Variants in RAPGEF4 observed in about 807,000 individuals in gnomAD.
RAPGEF4 encodes Rap guanine nucleotide exchange factor 4, also known as RAP guanine-nucleotide-exchange factor (GEF) 4.
Under a neutral mutation model 147.9 loss-of-function variants are expected in RAPGEF4, and 66 were observed. The ratio of observed to expected loss-of-function variants is 0.45; its 90% CI spans 0.37 to 0.55. The LOEUF (loss-of-function observed/expected upper bound fraction) is 0.55. RAPGEF4 is among the 20% of genes least tolerant of loss of function. The pLI, the probability that RAPGEF4 is intolerant of heterozygous loss-of-function variation, is 0.00. For synonymous variants in RAPGEF4, 419 were observed against 442.7 expected (o/e 0.95, Z 0.67); for missense variants, 1,071 against 1,257.3 (o/e 0.85, Z 2.24).
intron 5 of RAPGEF4, among the ~76,000 whole-genome samples, chr2:172,918,247 C>CTTTT (rs11332643): frequency 2.3e-5 from 2 of 87,622 alleles, no homozygotes; most frequent in African/African-American, 4.5e-5. Flanking sequence ...CCACCTCTTG[C>CTTTT]TTTTTTTTTT....
At chr2:172,954,632 G>A (rs531469045) in intron 6 of RAPGEF4, among the ~76,000 whole-genome samples, 150 of 152,116 alleles carry the variant, frequency 9.9e-4, no homozygotes, top group East Asian at 2.3e-3. Context: ...TCATCTGGGC[G>A]GCCCCAAAGA....
chr2:172,768,465 A>C (rs1485982715), intron 1 of RAPGEF4, among the ~76,000 whole-genome samples: 2 of 151,876 alleles, frequency 1.3e-5, no homozygotes, highest in Non-Finnish European at 2.9e-5. Context: ...AGGAAGCTGC[A>C]CTAGTTTATG....
rs951495687 is a variant in RAPGEF4, at chr2:172,990,944, C to T, written c.1490+19C>T. On this transcript the variant is annotated intron_variant, in intron 15 of 30. Coordinates refer to ENST00000397081, the MANE Select transcript of RAPGEF4 (RefSeq NM_007023.4). ...AGCAAAAGTATGTTTGCATCCAACA[C>T]TGTAATTGCCAGACTATGATTAACC... 2 of 1,522,942 alleles carry T rather than the reference C, an allele frequency of 1.3e-6. No individual in the cohort carries two copies. Among genetic ancestry groups the T allele is most frequent in the African/African-American group, 2.7e-5 (2 of 73,010 alleles). The allele number at this position is 1,522,942 out of a possible 1,614,324, so 94.3% of individuals were successfully genotyped here. A position where few individuals can be genotyped will look rare whatever the true frequency, so the allele number is the denominator to read the frequency against.
chr2:172,838,378 G>A lies in RAPGEF4; in HGVS notation c.444+23953G>A, dbSNP rs576488316. Among the ~76,000 whole-genome samples, 4 of 152,094 alleles carry A rather than the reference G, an allele frequency of 2.6e-5. No individual in the cohort carries two copies. In the South Asian group the frequency reaches 6.2e-4, roughly 24 times the overall value. Reference sequence around the variant, plus strand: ...CACACCAGAACACACTGGGAAATCCGCCTTTGTTATCCCTGCAATTAGGTT... The same window carrying A: ...CACACCAGAACACACTGGGAAATCCACCTTTGTTATCCCTGCAATTAGGTT... On this transcript the variant is annotated intron_variant, in intron 4 of 30. Transcript: ENST00000397081.
intron 10 of RAPGEF4, among the ~76,000 whole-genome samples, chr2:172,976,144 A>G (rs771645525): frequency 7.2e-5 from 11 of 152,210 alleles, no homozygotes; most frequent in Non-Finnish European, 1.5e-4. Flanking sequence ...TGTGTACACA[A>G]GCTCTGCTAT....
intron 4 of RAPGEF4, among the ~76,000 whole-genome samples, chr2:172,883,870 GGTCCTTCCTTACCTTGCATTTAGGTTA>G (rs2149867059): frequency 6.6e-6 from 1 of 152,182 alleles, no homozygotes; most frequent in East Asian, 1.9e-4. Flanking sequence ...AAGAGCATTG[GGTCCTTCCTTACCTTGCATTTAGGTTA>G]GTGAAAAGAA....
intron 4 of RAPGEF4, among the ~76,000 whole-genome samples, chr2:172,858,952 A>G (rs572440610): frequency 6.6e-6 from 1 of 152,004 alleles, no homozygotes; most frequent in South Asian, 2.1e-4. Context: ...TTCTGATGAG[A>G]CATTTTATTT....
chr2:172,958,069 A>T (rs1251721330), intron 6 of RAPGEF4, among the ~76,000 whole-genome samples: 2 of 152,236 alleles, frequency 1.3e-5, no homozygotes, highest in African/African-American at 4.8e-5. Flanking sequence ...ATAAACACTT[A>T]TCACCAGTCC....
chr2:173,033,853 A>G lies in RAPGEF4; in HGVS notation c.2650-61A>G, dbSNP rs377545724. The stretch of plus-strand genomic sequence containing the variant: ...ATATTTCCCCTAGAAATGGTAACCC[A>G]TGATACATATCTAGATATTGAATCT... On this transcript the variant is annotated intron_variant, in intron 26 of 30. Transcript: ENST00000397081. 9 of 1,485,276 alleles carry G rather than the reference A, an allele frequency of 6.1e-6. No homozygotes were observed. In the African/African-American group the frequency reaches 9.8e-5, roughly 16 times the overall value. The allele number at this position is 1,485,276 out of a possible 1,614,324, so 92.0% of individuals were successfully genotyped here.
intron 6 of RAPGEF4, among the ~76,000 whole-genome samples, chr2:172,945,068 A>G (rs558876718): frequency 1.4e-4 from 22 of 152,280 alleles, no homozygotes; most frequent in Non-Finnish European, 2.8e-4. Flanking sequence ...TTAGAACTTA[A>G]TATATCATGC....
At chr2:173,034,605 G>T (rs1166591017) in intron 27 of RAPGEF4, among the ~76,000 whole-genome samples, 1 of 152,102 alleles carries the variant, frequency 6.6e-6, no homozygotes, top group Non-Finnish European at 1.5e-5. Context: ...CAGGCGCAGT[G>T]GTTCATACCT....
intron 12 of RAPGEF4, among the ~76,000 whole-genome samples, 183 bp from the exon 13 acceptor site, chr2:172,988,013 C>T (rs1692450288): frequency 6.6e-6 from 1 of 152,162 alleles, no homozygotes; most frequent in Non-Finnish European, 1.5e-5. Flanking sequence ...GTTTCTCTTT[C>T]TTTTGTATTC....
intron 1 of RAPGEF4, among the ~76,000 whole-genome samples, chr2:172,777,466 C>T (rs1014488623): frequency 1.3e-5 from 2 of 152,112 alleles, no homozygotes; most frequent in African/African-American, 4.8e-5. Context: ...CTGTATCTCT[C>T]AGCACTGTGT....
chr2:172,941,561 CT>C (rs1276103537), intron 6 of RAPGEF4, among the ~76,000 whole-genome samples: 2 of 152,096 alleles, frequency 1.3e-5, no homozygotes, highest in Admixed American at 6.5e-5. Flanking sequence ...TGATAAAATG[CT>C]TTTTTTCTTA....
At chr2:173,013,870 C>G (rs2105884753) in intron 17 of RAPGEF4, among the ~76,000 whole-genome samples, 1 of 152,274 alleles carries the variant, frequency 6.6e-6, no homozygotes, top group African/African-American at 2.4e-5. Context: ...AAAAATGTGT[C>G]TGAGGCCCTC....
chr2:172,969,695 T>A (rs1690249865), intron 10 of RAPGEF4, among the ~76,000 whole-genome samples: 1 of 152,212 alleles, frequency 6.6e-6, no homozygotes, highest in African/African-American at 2.4e-5. Context: ...CCAAATTAGA[T>A]TAAGATCCAA....
chr2:172,922,253 C>T, intron 5 of RAPGEF4, 28 bp from the exon 6 acceptor site: 1 of 1,603,338 alleles, frequency 6.2e-7, no homozygotes, highest in Non-Finnish European at 8.5e-7. Context: ...AATTCATGGC[C>T]TCTCTCTGTC....
At chr2:173,008,480 G>T (rs1178669068) in intron 17 of RAPGEF4, among the ~76,000 whole-genome samples, 4 of 152,126 alleles carry the variant, frequency 2.6e-5, no homozygotes, top group Admixed American at 1.3e-4. Context: ...GCTTTGTCTT[G>T]TCAGTGGGCA....
At chr2:172,898,454 T>C (rs932882082) in intron 4 of RAPGEF4, among the ~76,000 whole-genome samples, 1 of 152,124 alleles carries the variant, frequency 6.6e-6, no homozygotes, top group Non-Finnish European at 1.5e-5. Context: ...CTTAATACCT[T>C]TTCTCTGACC....
Sources: allele counts gnomAD v4.1 joint callset (sites outside exome capture counted in the v4.1 genomes callset), GRCh38; gene constraint gnomAD v4.1.1; transcripts MANE v1.5; gene names NCBI Gene and HGNC (gene_info 2026-07-23, HGNC 2026-07-21).